Variants in FAM229B observed in about 807,000 individuals in gnomAD.
FAM229B encodes the protein protein FAM229B.
A neutral mutation model predicts 6.7 loss-of-function variants in FAM229B; 2 were observed. The observed-to-expected ratio is 0.30, with a 90% CI of 0.12 to 0.94. The LOEUF (loss-of-function observed/expected upper bound fraction) is 0.94, where lower values mean the gene tolerates loss of function less well. Ranked by LOEUF, FAM229B falls within the 40% of genes least tolerant of loss-of-function variation. The pLI is 0.54. For missense variants in FAM229B, 93 were observed against 96.2 expected, an observed-to-expected ratio of 0.97 and a Z score of 0.14; for synonymous variants, 29 against 34.0, an observed-to-expected ratio of 0.85 and a Z score of 0.51.
At chr6:112,090,077 T>C (rs1777238103) in intron 1 of FAM229B, among the ~76,000 whole-genome samples, 1 of 152,214 alleles carries the variant, frequency 6.6e-6, no homozygotes, top group South Asian at 2.1e-4. Flanking sequence ...CTCATCTATA[T>C]AGCACATTCA....
intron 1 of FAM229B, among the ~76,000 whole-genome samples, chr6:112,096,554 T>TCAA (rs1180755296): frequency 2.0e-5 from 3 of 152,160 alleles, no homozygotes; most frequent in African/African-American, 4.8e-5. Context: ...AGACTCTGTC[T>TCAA]CAACAACAAC....
chr6:112,089,714 T>A (rs1777232557), intron 1 of FAM229B, among the ~76,000 whole-genome samples: 1 of 152,090 alleles, frequency 6.6e-6, no homozygotes, highest in African/African-American at 2.4e-5. Flanking sequence ...CAAATTATAA[T>A]GTAGAGGAAA....
chr6:112,099,701 G>A (rs1274555135), intron 3 of FAM229B, among the ~76,000 whole-genome samples: 1 of 152,148 alleles, frequency 6.6e-6, no homozygotes, highest in Non-Finnish European at 1.5e-5. Flanking sequence ...AGATTGTTTT[G>A]TTGATAGCTT....
intron 1 of FAM229B, among the ~76,000 whole-genome samples, chr6:112,096,505 A>G (rs917074748): frequency 5.3e-5 from 8 of 152,158 alleles, no homozygotes; most frequent in East Asian, 3.9e-4. Flanking sequence ...GCAGTGAGCC[A>G]AGATAGCACC....
chr6:112,098,402 T>G (rs1423448117), intron 2 of FAM229B, among the ~76,000 whole-genome samples: 1 of 152,200 alleles, frequency 6.6e-6, no homozygotes, highest in South Asian at 2.1e-4. Flanking sequence ...GACATTTATA[T>G]ATACTTACTA....
chr6:112,098,837 T>C (rs1003286508), intron 2 of FAM229B, among the ~76,000 whole-genome samples: 5 of 152,184 alleles, frequency 3.3e-5, no homozygotes, highest in Non-Finnish European at 7.4e-5. Flanking sequence ...AACCATAGAG[T>C]ATTTTCCTTG....
intron 1 of FAM229B, among the ~76,000 whole-genome samples, chr6:112,088,672 G>A (rs1777213577): frequency 6.6e-6 from 1 of 152,118 alleles, no homozygotes; most frequent in South Asian, 2.1e-4. Flanking sequence ...AATTTTTGTA[G>A]GCTGGATTTA....
chr6:112,098,549 G>T (rs1415904591), intron 2 of FAM229B, among the ~76,000 whole-genome samples: 1 of 152,160 alleles, frequency 6.6e-6, no homozygotes, highest in African/African-American at 2.4e-5. Flanking sequence ...TATCACCAAT[G>T]TACCCTTGAG....
chr6:112,095,662 CAAAAAAAA>C (rs376039549), intron 1 of FAM229B, among the ~76,000 whole-genome samples: 1 of 77,906 alleles, frequency 1.3e-5, no homozygotes, highest in Admixed American at 1.4e-4. Flanking sequence ...AAAAAAAAAC[CAAAAAAAA>C]AAAAAAAGAA....
intron 1 of FAM229B, among the ~76,000 whole-genome samples, chr6:112,090,730 T>C (rs1777246920): frequency 6.6e-6 from 1 of 152,216 alleles, no homozygotes; most frequent in Non-Finnish European, 1.5e-5. Flanking sequence ...TTGTTTGATT[T>C]TAAATTGATT....
Position 112,101,030 on chromosome 6 carries a change from C to T in FAM229B, c.*243C>T, listed in dbSNP as rs1777392293. On this transcript the variant is annotated 3_prime_UTR_variant, in exon 4 of 4. Coordinates refer to ENST00000368656, the MANE Select transcript of FAM229B (RefSeq NM_001033564.3). ...AATTAGAAAGTACCTTAGAGATCATCTTGCTCACAGTAGATCATTAATATC... is the reference window on the plus strand; with the variant it reads ...AATTAGAAAGTACCTTAGAGATCATTTTGCTCACAGTAGATCATTAATATC... 1 of 375,964 alleles carries T rather than the reference C, an allele frequency of 2.7e-6. No homozygotes were observed. Among genetic ancestry groups the T allele is most frequent in the African/African-American group, 2.1e-5 (1 of 48,048 alleles). 23.3% of individuals were successfully genotyped at this position (375,964 alleles called of 1,614,324 possible). A position where few individuals can be genotyped will look rare whatever the true frequency, so the allele number is the denominator to read the frequency against.
chr6:112,100,563 T>G, intron 3 of FAM229B, 107 bp from the exon 4 acceptor site: 2 of 713,956 alleles, frequency 2.8e-6, no homozygotes, highest in Non-Finnish European at 4.8e-6. Flanking sequence ...TTCAGAGATT[T>G]CAAAGTGATT....
Position 112,099,344 on chromosome 6 carries a change from A to G in FAM229B, c.61A>G (p.Ile21Val), listed in dbSNP as rs782633728. The G allele has an allele frequency of 8.7e-6, 14 of 1,614,054 alleles. No homozygotes were observed. Among genetic ancestry groups the G allele is most frequent in the African/African-American group, 1.3e-5 (1 of 75,036 alleles). ...RFPVEGGDSS[I>V]ELEPGLSSSA... is the part of the protein sequence containing the mutation. ...TCCAGTGGAAGGAGGAGATTCTTCA[A>G]TTGAGCTGGAACCTGGGCTGAGCTC... The change falls in exon 3 of 4, where the codon ATT becomes GTT. Residue 21 changes from isoleucine to valine, a missense_variant. Transcript: ENST00000368656.
intron 1 of FAM229B, among the ~76,000 whole-genome samples, chr6:112,095,662 C>CA (rs376039549): frequency 0.026 from 1,998 of 77,492 alleles, 14 homozygotes; most frequent in Non-Finnish European, 0.034. Context: ...AAAAAAAAAC[C>CA]AAAAAAAAAA....
chr6:112,093,639 A>G lies in FAM229B; in HGVS notation c.-175-3402A>G, dbSNP rs1258165810. On this transcript the variant is annotated intron_variant, in intron 1 of 3. Coordinates refer to ENST00000368656, the MANE Select transcript of FAM229B (RefSeq NM_001033564.3). Reference sequence around the variant, plus strand: ...AAAAACAACTCTAAATAAATTTAAAAGAATTCAAGTCATACAACGAATATT... The same window carrying G: ...AAAAACAACTCTAAATAAATTTAAAGGAATTCAAGTCATACAACGAATATT... Among the ~76,000 whole-genome samples, 4 of 152,266 alleles carry G rather than the reference A, an allele frequency of 2.6e-5. No individual in the cohort carries two copies. In the East Asian group the frequency reaches 7.7e-4, roughly 29 times the overall value.
At chr6:112,099,142 C>T (rs1308858526) in intron 2 of FAM229B, 128 bp from the exon 3 acceptor site, 1 of 802,382 alleles carries the variant, frequency 1.2e-6, no homozygotes, top group South Asian at 1.9e-5. Context: ...TGCACTCCAG[C>T]CTGGCCAACA....
intron 3 of FAM229B, among the ~76,000 whole-genome samples, chr6:112,099,846 A>G (rs1777373360): frequency 6.6e-6 from 1 of 152,246 alleles, no homozygotes; most frequent in Admixed American, 6.5e-5. Flanking sequence ...TTTGATTAGT[A>G]TCACTTTGGC....
In FAM229B at chr6:112,097,217, C is replaced by T. The variant is rs1428286424; in HGVS notation, c.-15+16C>T. 2 of 152,120 alleles carry T rather than the reference C, an allele frequency of 1.3e-5. No homozygotes were observed. Among genetic ancestry groups the T allele is most frequent in the African/African-American group, 4.8e-5 (2 of 41,418 alleles). The allele number at this position is 152,120 out of a possible 1,614,324, so 9.4% of individuals were successfully genotyped here. A position where few individuals can be genotyped will look rare whatever the true frequency, so the allele number is the denominator to read the frequency against. On this transcript the variant is annotated intron_variant, in intron 2 of 3. Transcript: ENST00000368656. The stretch of plus-strand genomic sequence containing the variant: ...GCCTCTTTTGGTAAGTCTATTTATC[C>T]TTGATCAAATTAGCTAAATGTTAAT...
chr6:112,097,584 T>C (rs782260345), intron 2 of FAM229B, among the ~76,000 whole-genome samples: 51 of 152,064 alleles, frequency 3.4e-4, no homozygotes, highest in South Asian at 1.3e-3. Context: ...GTACTAATAG[T>C]TGAAAACATT....
Sources: allele counts gnomAD v4.1 joint callset (sites outside exome capture counted in the v4.1 genomes callset), GRCh38; gene constraint gnomAD v4.1.1; transcripts MANE v1.5; gene names NCBI Gene and HGNC (gene_info 2026-07-23, HGNC 2026-07-21).